Variants in NLRP2 observed in about 807,000 individuals in gnomAD.
NLRP2 encodes NLR family pyrin domain containing 2.
A neutral mutation model predicts 97.2 loss-of-function variants in NLRP2; 107 were observed. The ratio of observed to expected loss-of-function variants is 1.10; its 90% CI spans 0.94 to 1.29. The LOEUF (loss-of-function observed/expected upper bound fraction) is 1.29. Ranked by LOEUF, NLRP2 falls within the 50% of genes most tolerant of loss-of-function variation. The probability of loss-of-function intolerance (pLI) is 0.00; values close to 1 mark genes in which losing one functional copy is unlikely to be tolerated. For synonymous variants in NLRP2, 663 were observed against 551.5 expected (o/e 1.20, Z -2.83); for missense variants, 1,495 against 1,330.3 (o/e 1.12, Z -1.93).
At chr19:54,972,959 C>T (rs1387332430) in intron 2 of NLRP2, among the ~76,000 whole-genome samples, 1 of 151,950 alleles carries the variant, frequency 6.6e-6, no homozygotes, top group Non-Finnish European at 1.5e-5. Flanking sequence ...GAGGCCAAGG[C>T]GGGTGGATCA....
rs752404229 is a variant in NLRP2 at position 54,985,117 on chromosome 19, C to G, written c.2101C>G (p.Leu701Val). The change falls in exon 7 of 13, where the codon CTG becomes GTG. Residue 701 changes from leucine to valine, a missense_variant. Coordinates refer to ENST00000448584, the MANE Select transcript of NLRP2 (RefSeq NM_017852.5). ...LCSIFGSNKD[L>V]MGLAINDSFL... ...TTCCATATTTGGATCAAATAAGGATCTGATGGGTCTAGCAATCAATGATAG... is the reference window on the plus strand; with the variant it reads ...TTCCATATTTGGATCAAATAAGGATGTGATGGGTCTAGCAATCAATGATAG... 15 of 1,614,056 alleles carry G rather than the reference C, an allele frequency of 9.3e-6. No individual in the cohort carries two copies. The South Asian group carries it at 1.4e-4, about 15-fold the overall frequency.
intron 8 of NLRP2, among the ~76,000 whole-genome samples, chr19:54,987,443 G>A (rs923118100): frequency 2.0e-5 from 3 of 152,188 alleles, no homozygotes; most frequent in Admixed American, 6.5e-5. Context: ...CACTGGTGTA[G>A]TAGGTGGTCA....
intron 11 of NLRP2, among the ~76,000 whole-genome samples, chr19:54,996,320 A>G (rs975752478): frequency 1.3e-5 from 2 of 151,948 alleles, no homozygotes; most frequent in South Asian, 2.1e-4. Flanking sequence ...TGTCTCTACT[A>G]AAGAGACAGG....
intron 8 of NLRP2, chr19:54,989,739 T>G (rs2072331591): frequency 1.9e-6 from 1 of 533,822 alleles, no homozygotes; most frequent in African/African-American, 1.9e-5. Flanking sequence ...ATCCCAGCAC[T>G]CTGGGAGGCC....
At chr19:54,998,611 CTTTTTTTT>C (rs375510249) in intron 12 of NLRP2, among the ~76,000 whole-genome samples, 8 of 42,196 alleles carry the variant, frequency 1.9e-4, no homozygotes, top group African/African-American at 6.6e-4. Flanking sequence ...CATCTTTTTT[CTTTTTTTT>C]TTTTTTTTTT....
At chr19:55,000,294 TTTTTTTTTTTTTTTTG>T (rs2073107374) in intron 12 of NLRP2, among the ~76,000 whole-genome samples, 3 of 104,468 alleles carry the variant, frequency 2.9e-5, no homozygotes, top group African/African-American at 7.8e-5. Context: ...TTTTTTTTTT[TTTTTTTTTTTTTTTTG>T]AGATCGCCCA....
chr19:54,974,191 T>TA (rs1467102357), intron 2 of NLRP2: 2 of 582,910 alleles, frequency 3.4e-6, no homozygotes, highest in Non-Finnish European at 6.2e-6. Flanking sequence ...CCATCTCTAC[T>TA]AAAAATACAA....
chr19:54,978,355 C>T (rs2071378186), intron 4 of NLRP2, among the ~76,000 whole-genome samples: 1 of 151,896 alleles, frequency 6.6e-6, no homozygotes, highest in African/African-American at 2.4e-5. Context: ...CTGTCTCAGC[C>T]TCCTGAGTAG....
At chr19:54,974,389 A>G (rs2071062629) in intron 2 of NLRP2, 111 bp from the exon 3 acceptor site, 1 of 832,202 alleles carries the variant, frequency 1.2e-6, no homozygotes, top group Admixed American at 1.9e-5. Flanking sequence ...GAAGGAGATA[A>G]GAGAAAGGAA....
intron 6 of NLRP2, among the ~76,000 whole-genome samples, chr19:54,984,317 GTT>G (rs1304427798): frequency 1.3e-4 from 10 of 78,732 alleles, no homozygotes; most frequent in African/African-American, 4.9e-4. Flanking sequence ...TTAAGTGGGG[GTT>G]TTTTTTTGTG....
Position 54,982,815 on chromosome 19 carries a change from G to A in NLRP2, c.1117G>A (p.Gly373Arg). 1.2e-6 allele frequency: 2 copies of A among 1,613,892 alleles called. No individual in the cohort carries two copies. Among genetic ancestry groups the A allele is most frequent in the Non-Finnish European group, 8.5e-7 (1 of 1,179,998 alleles). ...DRRAYFLRHF[G>R]DEDQAMRAFE... ...GAGGGCCTATTTCCTGAGACACTTTGGAGACGAGGACCAAGCCATGCGTGC... is the reference window on the plus strand; with the variant it reads ...GAGGGCCTATTTCCTGAGACACTTTAGAGACGAGGACCAAGCCATGCGTGC... Residue 373 changes from glycine to arginine, a missense_variant, in exon 6 of 13, where the codon GGA (glycine) becomes AGA (arginine). Transcript: ENST00000448584.
At chr19:54,985,695 AAAAG>A (rs1416013682) in intron 7 of NLRP2, among the ~76,000 whole-genome samples, 3 of 144,534 alleles carry the variant, frequency 2.1e-5, no homozygotes, top group Non-Finnish European at 3.0e-5. Context: ...AAAAAAAAAA[AAAAG>A]AAAAAGAAAA....
At chr19:54,978,791 G>T (rs1338486221) in intron 4 of NLRP2, among the ~76,000 whole-genome samples, 3 of 150,076 alleles carry the variant, frequency 2.0e-5, no homozygotes, top group Non-Finnish European at 4.4e-5. Context: ...AGGTTGCAGT[G>T]AGCCAAGATT....
At chr19:54,980,455 A>T (rs1428365035) in intron 4 of NLRP2, among the ~76,000 whole-genome samples, 1 of 152,120 alleles carries the variant, frequency 6.6e-6, no homozygotes, top group Admixed American at 6.6e-5. Flanking sequence ...TGGCCTCCCA[A>T]AGTGCTGGGA....
At position 54,990,286 on chromosome 19, in the gene NLRP2, C is replaced by T. The variant is rs73607998; in HGVS notation, c.2537+94C>T. On this transcript the variant is annotated intron_variant, in intron 9 of 12. Transcript: ENST00000448584. ...CCTGACTTGGCTGTATGGAACCTCT[C>T]GCTGATGTGAACACCTGTTCCCATG... 2.1e-3 allele frequency: 2,755 copies of T among 1,335,920 alleles called. 31 individuals carry two copies. In the African/African-American group the frequency reaches 0.033, roughly 16 times the overall value. 82.8% of individuals were successfully genotyped at this position (1,335,920 alleles called of 1,614,324 possible). A position where few individuals can be genotyped will look rare whatever the true frequency, so the allele number is the denominator to read the frequency against.
intron 12 of NLRP2, among the ~76,000 whole-genome samples, chr19:54,999,124 C>T (rs1254374755): frequency 6.7e-5 from 10 of 149,442 alleles, no homozygotes; most frequent in African/African-American, 2.0e-4. Context: ...CCGGACAGGG[C>T]GGCTGGCTGG....
At chr19:54,995,311 C>G (rs1184175340) in intron 11 of NLRP2, among the ~76,000 whole-genome samples, 1 of 150,186 alleles carries the variant, frequency 6.7e-6, no homozygotes, top group Non-Finnish European at 1.5e-5. Flanking sequence ...CTGCCTTAGC[C>G]TCCCACATAG....
At chr19:54,974,374 A>G in intron 2 of NLRP2, 126 bp from the exon 3 acceptor site, 1 of 787,956 alleles carries the variant, frequency 1.3e-6, no homozygotes, top group Non-Finnish European at 2.2e-6. Flanking sequence ...AAGCATTTTG[A>G]ACTGGAAGGA....
In NLRP2 at chr19:54,978,703, C is replaced by T. The variant is rs895211118; in HGVS notation, c.397+880C>T. On this transcript the variant is annotated intron_variant, in intron 4 of 12. Transcript: ENST00000448584. ...CTCTACTAAAAACACAAAAATTAGC[C>T]GGGTGTGGTGGCACCCGCCTGTAGT... 2.1e-3 allele frequency among the ~76,000 whole-genome samples: 324 copies of T among 151,008 alleles called. 1 individual carries two copies. The highest frequency in any genetic ancestry group is 7.4e-3 in the African/African-American group (306 of 41,308).
Sources: allele counts gnomAD v4.1 joint callset (sites outside exome capture counted in the v4.1 genomes callset), GRCh38; gene constraint gnomAD v4.1.1; transcripts MANE v1.5; gene names NCBI Gene and HGNC (gene_info 2026-07-23, HGNC 2026-07-21).